SOX30: variants seen among roughly 807,000 people sequenced by gnomAD.
SOX30 encodes the protein transcription factor SOX-30.
In SOX30, 17 loss-of-function variants were observed where a neutral mutation model predicts 58.6. The ratio of observed to expected loss-of-function variants is 0.29; its 90% CI spans 0.20 to 0.44. SOX30 has a LOEUF of 0.44. SOX30 is among the 20% of genes least tolerant of loss of function. The pLI, the probability that SOX30 is intolerant of heterozygous loss-of-function variation, is 1.00. For missense variants in SOX30, 951 were observed against 965.8 expected, an observed-to-expected ratio of 0.98 and a Z score of 0.20; for synonymous variants, 421 against 400.2, an observed-to-expected ratio of 1.05 and a Z score of -0.62.
intron 1 of SOX30, among the ~76,000 whole-genome samples, chr5:157,650,735 C>G (rs1759307273): frequency 1.3e-5 from 2 of 152,138 alleles, no homozygotes; most frequent in Admixed American, 1.3e-4. Context: ...ATTATTTCTT[C>G]TATTTCTTGA....
chr5:157,654,101 G>C (rs895332246), upstream of SOX30, among the ~76,000 whole-genome samples: 2 of 151,802 alleles, frequency 1.3e-5, no homozygotes, highest in Non-Finnish European at 2.9e-5. Context: ...GGGAGGCAGA[G>C]GTTGCAGGAG....
chr5:157,656,795 T>C (rs1008651412), upstream of SOX30, among the ~76,000 whole-genome samples: 2 of 152,224 alleles, frequency 1.3e-5, no homozygotes, highest in African/African-American at 4.8e-5. Context: ...TTAAGTTAGA[T>C]AGAATGAAGC....
At chr5:157,670,285 A>G (rs1439217968) in intron 1 of SOX30, among the ~76,000 whole-genome samples, 3 of 152,228 alleles carry the variant, frequency 2.0e-5, no homozygotes, top group Non-Finnish European at 4.4e-5. Context: ...ACTGAAATGT[A>G]CAAGACAGTC....
intron 3 of SOX30, among the ~76,000 whole-genome samples, chr5:157,641,965 T>C (rs1244247043): frequency 1.3e-5 from 2 of 152,152 alleles, no homozygotes; most frequent in Non-Finnish European, 2.9e-5. Context: ...GAAGATCTAG[T>C]ACAGGACAAG....
chr5:157,646,388 G>A (rs1412814834), intron 3 of SOX30, among the ~76,000 whole-genome samples: 1 of 152,116 alleles, frequency 6.6e-6, no homozygotes, highest in African/African-American at 2.4e-5. Flanking sequence ...TAATCTATGG[G>A]CTCATCCTGA....
Position 157,651,948 on chromosome 5 carries a change from C to G in SOX30, c.131G>C (p.Ser44Thr), listed in dbSNP as rs1393963709. The change falls in exon 1 of 5, where the codon AGC becomes ACC. Residue 44 changes from serine (S) to threonine (T), a missense_variant. Ser to Thr is a moderately conservative substitution (Grantham distance 58). Coordinates refer to ENST00000265007, the MANE Select transcript of SOX30 (RefSeq NM_178424.2). ...GGCCAAGGTCGCACTGGCTGCCGCGCTCAGTGTGGGAGACGACGGAGGGGG... is the reference window on the plus strand; with the variant it reads ...GGCCAAGGTCGCACTGGCTGCCGCGGTCAGTGTGGGAGACGACGGAGGGGG... ...MEPPPSSPTLSAAASATLASS... is the reference protein window; with the variant it reads ...MEPPPSSPTLTAAASATLASS... The G allele has an allele frequency of 6.7e-7, 1 of 1,490,968 alleles. No individual in the cohort carries two copies. The highest frequency in any genetic ancestry group is 8.9e-7 in the Non-Finnish European group (1 of 1,125,226). 92.4% of individuals were successfully genotyped at this position (1,490,968 alleles called of 1,614,324 possible). A position where few individuals can be genotyped will look rare whatever the true frequency, so the allele number is the denominator to read the frequency against.
Position 157,652,305 on chromosome 5 carries a change from G to A in SOX30, c.-227C>T, listed in dbSNP as rs1759377731. 1.6e-6 allele frequency: 2 copies of A among 1,230,778 alleles called. No homozygotes were observed. Among genetic ancestry groups the A allele is most frequent in the Non-Finnish European group, 2.0e-6 (2 of 988,350 alleles). The allele number at this position is 1,230,778 out of a possible 1,614,324, so 76.2% of individuals were successfully genotyped here. On this transcript the variant is annotated 5_prime_UTR_variant, in exon 1 of 5. In the 5' UTR this introduces an upstream ATG that the reference lacks. Coordinates refer to ENST00000265007, the MANE Select transcript of SOX30 (RefSeq NM_178424.2). ...TCTTCCTGGTCCCTACTCTCGCCTC[G>A]TGCTGAGTCCTCGAATCACCTGCCA...
intron 4 of SOX30, among the ~76,000 whole-genome samples, chr5:157,635,892 G>T (rs1021185314): frequency 1.3e-5 from 2 of 152,086 alleles, no homozygotes; most frequent in Non-Finnish European, 2.9e-5. Context: ...CAATCAAGAG[G>T]AGCTGTCATA....
chr5:157,665,993 A>G (rs1339883775), intron 2 of SOX30, among the ~76,000 whole-genome samples: 1 of 151,294 alleles, frequency 6.6e-6, no homozygotes, highest in Non-Finnish European at 1.5e-5. Context: ...TTTCAAAGCA[A>G]TGAAATTCCT....
intron 3 of SOX30, among the ~76,000 whole-genome samples, chr5:157,640,111 G>A (rs1759027312): frequency 6.6e-6 from 1 of 152,124 alleles, no homozygotes. Context: ...CCTTGTCCAC[G>A]TTCCCTCCAA....
chr5:157,667,503 C>T lies in SOX30; in HGVS notation c.52+295G>A, dbSNP rs189563646. ...ATCCCAGCACTTTGGGAGGCCAAGG[C>T]GGACGGAATCACCTGCGGTCAGGAA... On this transcript the variant is annotated intron_variant, in intron 2 of 5. Transcript: ENST00000519442. Among the ~76,000 whole-genome samples the T allele has an allele frequency of 1.6e-4, 24 of 152,194 alleles. No individual in the cohort carries two copies. In the East Asian group the frequency reaches 1.7e-3, roughly 11 times the overall value.
intron 2 of SOX30, among the ~76,000 whole-genome samples, chr5:157,647,130 C>T (rs1002030642): frequency 6.6e-6 from 1 of 151,080 alleles, no homozygotes; most frequent in Non-Finnish European, 1.5e-5. Flanking sequence ...GGCACAATCT[C>T]GGCTCACTGC....
chr5:157,625,825 G>A lies in SOX30; in HGVS notation c.*515C>T, dbSNP rs1197821161. The A allele has an allele frequency of 6.6e-6, 1 of 152,608 alleles. No individual in the cohort carries two copies. The highest frequency in any genetic ancestry group is 2.4e-5 in the African/African-American group (1 of 41,494). 9.5% of individuals were successfully genotyped at this position (152,608 alleles called of 1,614,324 possible). A position where few individuals can be genotyped will look rare whatever the true frequency, so the allele number is the denominator to read the frequency against. The stretch of plus-strand genomic sequence containing the variant: ...ACCCAGGTGCCATTAAAACACATTT[G>A]GAACTTATAATTGGTTATTAGTGTA... On this transcript the variant is annotated 3_prime_UTR_variant, in exon 5 of 5. Coordinates refer to ENST00000265007, the MANE Select transcript of SOX30 (RefSeq NM_178424.2).
chr5:157,648,991 T>G, intron 1 of SOX30, 95 bp from the exon 2 acceptor site: 1 of 1,452,148 alleles, frequency 6.9e-7, no homozygotes, highest in Non-Finnish European at 9.1e-7. Context: ...TACTTATTTT[T>G]GAAATATCTG....
upstream of SOX30, among the ~76,000 whole-genome samples, chr5:157,655,221 T>C (rs1422581395): frequency 1.3e-5 from 2 of 152,042 alleles, no homozygotes; most frequent in African/African-American, 4.8e-5. Flanking sequence ...TAACTTTGGG[T>C]AAGTGGTGGG....
chr5:157,659,200 TTACTC>T (rs1759532767), intron 2 of SOX30, among the ~76,000 whole-genome samples: 1 of 152,368 alleles, frequency 6.6e-6, no homozygotes, highest in African/African-American at 2.4e-5. Flanking sequence ...TGCTTTCACT[TTACTC>T]TGTGGACTCA....
intron 3 of SOX30, among the ~76,000 whole-genome samples, chr5:157,642,315 C>CAA (rs11317659): frequency 2.6e-5 from 3 of 116,912 alleles, no homozygotes; most frequent in Non-Finnish European, 3.8e-5. Context: ...GATTCCCTCT[C>CAA]AAAAAAAAAA....
intron 3 of SOX30, among the ~76,000 whole-genome samples, chr5:157,645,758 C>T (rs1389674757): frequency 6.6e-6 from 1 of 151,926 alleles, no homozygotes; most frequent in Non-Finnish European, 1.5e-5. Flanking sequence ...TGGTGGCTCA[C>T]ACCTGTAATC....
chr5:157,626,431 G>A lies in SOX30; in HGVS notation c.2171C>T (p.Thr724Ile). The A allele has an allele frequency of 6.2e-7, 1 of 1,614,186 alleles. No homozygotes were observed. Among genetic ancestry groups the A allele is most frequent in the Non-Finnish European group, 8.5e-7 (1 of 1,180,034 alleles). The stretch of plus-strand genomic sequence containing the variant: ...GCTAGAAGGAGTTGATGTCGGGGCT[G>A]TGAAGACATTCTCCAAGGTTCCAAT... ...LDIGTLENVF[T>I]APTSTPSSIQ... The change falls in exon 5 of 5, where the codon ACA becomes ATA. Residue 724 changes from threonine to isoleucine, a missense_variant. Thr to Ile is a moderately conservative substitution (Grantham distance 89, BLOSUM62 -1). Coordinates refer to ENST00000265007, the MANE Select transcript of SOX30 (RefSeq NM_178424.2).
Sources: gnomAD v4.1 joint callset for allele counts (sites outside exome capture counted in the v4.1 genomes callset) on GRCh38, gnomAD v4.1.1 for gene constraint, MANE v1.5 for transcripts, NCBI Gene and HGNC (gene_info 2026-07-23, HGNC 2026-07-21) for gene names.